CEP76: variants seen among roughly 807,000 people sequenced by gnomAD.
CEP76 encodes centrosomal protein 76, also known as centrosomal protein of 76 kDa.
A neutral mutation model predicts 83.3 loss-of-function variants in CEP76; 55 were observed. That is an observed-to-expected ratio of 0.66 (90% CI 0.53 to 0.83). The LOEUF (loss-of-function observed/expected upper bound fraction) is 0.83. CEP76 is among the 40% of genes least tolerant of loss of function. The pLI is 0.00. For missense variants in CEP76, 694 were observed against 799.5 expected (o/e 0.87, Z 1.59); for synonymous variants, 270 against 274.5 (o/e 0.98, Z 0.16).
intron 1 of CEP76, 55 bp downstream of exon 1, chr18:12,702,431 G>T: frequency 7.3e-7 from 1 of 1,376,256 alleles, no homozygotes; most frequent in Non-Finnish European, 1.0e-6. Context: ...CGCCGGGCAG[G>T]AGGGAAAGGT....
At chr18:12,674,182 A>T (rs1428492823) in intron 11 of CEP76, among the ~76,000 whole-genome samples, 2 of 152,074 alleles carry the variant, frequency 1.3e-5, no homozygotes, top group Non-Finnish European at 2.9e-5. Context: ...CACACCTGTA[A>T]TCCCAGCAAT....
chr18:12,668,842 G>A (rs1446498152), downstream of CEP76, among the ~76,000 whole-genome samples: 2 of 141,718 alleles, frequency 1.4e-5, no homozygotes, highest in African/African-American at 2.6e-5. Context: ...CCGGGTTTAA[G>A]CGATTCCCCT....
rs986605208 is a variant in CEP76, at chr18:12,673,606, G to A, written c.1842-103C>T. On this transcript the variant is annotated intron_variant, in intron 11 of 11. Transcript: ENST00000262127. ...TTAAAATAATTTTTTCAGGCTAGGC[G>A]TGGTGGCTCATGCCTGTAATCCCAG... is the stretch of plus-strand genomic sequence containing the variant. 6.5e-5 allele frequency: 60 copies of A among 917,356 alleles called. 1 individual carries two copies. Among genetic ancestry groups the A allele is most frequent in the South Asian group, 2.7e-4 (16 of 58,384 alleles). 56.8% of individuals were successfully genotyped at this position (917,356 alleles called of 1,614,324 possible).
At position 12,702,520 on chromosome 18, in the gene CEP76, TCGGAGGCTTTCTC is replaced by T. The variant is rs765642100; in HGVS notation, c.16_28del (p.Glu6SerfsTer2). On this transcript the variant is annotated frameshift_variant, in exon 1 of 12. Transcript: ENST00000262127. LOFTEE classifies it high-confidence loss of function. ...CTGCTGGTGGATGAGCTGCTTCAGC[TCGGAGGCTTTCTC>T]CGGAGGCAGCGACATGCTGGCAGCC... 3 of 1,609,110 alleles carry T rather than the reference TCGGAGGCTTTCTC, an allele frequency of 1.9e-6. No individual in the cohort carries two copies. Among genetic ancestry groups the T allele is most frequent in the Non-Finnish European group, 2.5e-6 (3 of 1,178,674 alleles).
In CEP76 at chr18:12,702,669, A is replaced by T. The variant is rs1215234710; in HGVS notation, c.-121T>A. On this transcript the variant is annotated 5_prime_UTR_variant, in exon 1 of 12. Transcript: ENST00000262127. ...CACAAAGCGCCGCAGCCGTTCGCCT[A>T]GCGCAGCTCCCGGGGGACGCAACGC... 1.1e-5 allele frequency: 13 copies of T among 1,143,852 alleles called. No homozygotes were observed. Among genetic ancestry groups the T allele is most frequent in the Non-Finnish European group, 1.6e-5 (13 of 831,262 alleles). The allele number at this position is 1,143,852 out of a possible 1,614,324, so 70.9% of individuals were successfully genotyped here. A position where few individuals can be genotyped will look rare whatever the true frequency, so the allele number is the denominator to read the frequency against.
intron 5 of CEP76, among the ~76,000 whole-genome samples, chr18:12,696,724 T>G (rs1720042029): frequency 6.6e-6 from 1 of 152,148 alleles, no homozygotes; most frequent in Admixed American, 6.6e-5. Flanking sequence ...AGGCACCAGC[T>G]CTGCCCTCAA....
chr18:12,689,346 A>G (rs1268070215), intron 7 of CEP76, among the ~76,000 whole-genome samples: 1 of 152,172 alleles, frequency 6.6e-6, no homozygotes, highest in Non-Finnish European at 1.5e-5. Flanking sequence ...ATGTATATGG[A>G]AAGAGGTGGC....
In CEP76 at chr18:12,700,968, T is replaced by C; in HGVS notation, c.209A>G (p.Asn70Ser). The C allele has an allele frequency of 1.9e-6, 3 of 1,612,812 alleles. No homozygotes were observed. Among genetic ancestry groups the C allele is most frequent in the Non-Finnish European group, 2.5e-6 (3 of 1,179,310 alleles). Residue 70 changes from asparagine to serine, a missense_variant, in exon 2 of 12, where the codon AAT becomes AGT. Transcript: ENST00000262127. ...TAAAAGATTACTCACAGTAACAAAA[T>C]TAAGTTCTTTCATCACATCGTCAAT... Reference protein sequence around the residue: ...GIIDDVMKELNFVTDSVEQEL... With the variant: ...GIIDDVMKELSFVTDSVEQEL...
exon 13 of CEP76, chr18:12,662,111 GT>G (rs1449270625): frequency 4.5e-6 from 2 of 440,718 alleles, no homozygotes; most frequent in Non-Finnish European, 9.0e-6. Context: ...CACCATCACT[GT>G]GCAGCCCAAG....
rs532350337 is a variant in CEP76 at position 12,688,584 on chromosome 18, C to CT, written c.934-2135dup. ...TATATCATTTTATTACAGCAATATT[C>CT]TAATATTATCTAAATATATCCCCAC... On this transcript the variant is annotated intron_variant, in intron 7 of 11. Coordinates refer to ENST00000262127, the MANE Select transcript of CEP76 (RefSeq NM_024899.4). Among the ~76,000 whole-genome samples, 9 of 152,244 alleles carry CT rather than the reference C, an allele frequency of 5.9e-5. No individual in the cohort carries two copies. In the South Asian group the frequency reaches 1.9e-3, roughly 32 times the overall value.
intron 10 of CEP76, among the ~76,000 whole-genome samples, chr18:12,676,887 G>T (rs2039153161): frequency 6.6e-6 from 1 of 152,164 alleles, no homozygotes; most frequent in Non-Finnish European, 1.5e-5. Context: ...TAGCCCCAAA[G>T]AACACAGAAA....
At chr18:12,681,256 A>T (rs200011227) in intron 8 of CEP76, among the ~76,000 whole-genome samples, 1,386 of 115,400 alleles carry the variant, frequency 0.012, 67 homozygotes, top group East Asian at 0.04. Flanking sequence ...AAAGTAGAAC[A>T]TTTTTTTTTT....
intron 12 of CEP76, among the ~76,000 whole-genome samples, chr18:12,663,275 G>C (rs2038736051): frequency 6.6e-6 from 1 of 152,046 alleles, no homozygotes; most frequent in East Asian, 1.9e-4. Flanking sequence ...ACAAAATAAG[G>C]CCCAAAAATA....
chr18:12,672,434 G>T (rs1243593147), downstream of CEP76, among the ~76,000 whole-genome samples: 1 of 151,964 alleles, frequency 6.6e-6, no homozygotes, highest in Non-Finnish European at 1.5e-5. Context: ...TTTTTAAAAC[G>T]TGCTCAATTT....
At chr18:12,697,500 C>CCACAGTCAGACTGGTCACTCCA in intron 4 of CEP76, 92 bp from the exon 5 acceptor site, 1 of 885,910 alleles carries the variant, frequency 1.1e-6, no homozygotes, top group Non-Finnish European at 1.6e-6. Flanking sequence ...AAATAATAAG[C>CCACAGTCAGACTGGTCACTCCA]TTATATAAAA....
At chr18:12,664,543 C>G (rs1254400444) in intron 12 of CEP76, among the ~76,000 whole-genome samples, 2 of 151,752 alleles carry the variant, frequency 1.3e-5, no homozygotes, top group African/African-American at 4.8e-5. Context: ...GAGCGAGACT[C>G]CGTCTCAAAA....
At chr18:12,688,039 C>G (rs559916098) in intron 7 of CEP76, among the ~76,000 whole-genome samples, 1 of 151,696 alleles carries the variant, frequency 6.6e-6, no homozygotes, top group Non-Finnish European at 1.5e-5. Context: ...GTCAGGAGAT[C>G]AATTCCATCC....
chr18:12,687,285 CCACAACCAGAA>C (rs1368322786), intron 7 of CEP76, among the ~76,000 whole-genome samples: 6 of 152,102 alleles, frequency 3.9e-5, no homozygotes, highest in Non-Finnish European at 8.8e-5. Context: ...ATGTCTTTCT[CCACAACCAGAA>C]CATCTTTTTC....
At chr18:12,691,159 A>C (rs534877600) in intron 7 of CEP76, 200 bp downstream of exon 7, 4 of 407,600 alleles carry the variant, frequency 9.8e-6, no homozygotes, top group Non-Finnish European at 1.7e-5. Flanking sequence ...AATAACTGAA[A>C]TTGAAAGTAA....
Sources: allele counts gnomAD v4.1 joint callset (sites outside exome capture counted in the v4.1 genomes callset), GRCh38; gene constraint gnomAD v4.1.1; transcripts MANE v1.5; gene names NCBI Gene and HGNC (gene_info 2026-07-23, HGNC 2026-07-21).